RPS6KC1: variants seen among roughly 807,000 people sequenced by gnomAD.
RPS6KC1 encodes ribosomal protein S6 kinase C1.
Under a neutral mutation model 103.8 loss-of-function variants are expected in RPS6KC1, and 54 were observed. That is an observed-to-expected ratio of 0.52 (90% CI 0.42 to 0.65). RPS6KC1 has a LOEUF of 0.65. Ranked by LOEUF, RPS6KC1 falls within the 30% of genes least tolerant of loss-of-function variation. The pLI, the probability that RPS6KC1 is intolerant of heterozygous loss-of-function variation, is 0.00. For missense variants in RPS6KC1, 1,151 were observed against 1,253.8 expected, an observed-to-expected ratio of 0.92 and a Z score of 1.24; for synonymous variants, 439 against 438.7, an observed-to-expected ratio of 1.00 and a Z score of -0.01.
Position 213,129,659 on chromosome 1 carries a change from C to T in RPS6KC1, c.605C>T (p.Ser202Leu), listed in dbSNP as rs753903508. The T allele has an allele frequency of 1.9e-6, 3 of 1,614,074 alleles. No individual in the cohort carries two copies. Among genetic ancestry groups the T allele is most frequent in the Non-Finnish European group, 2.5e-6 (3 of 1,179,984 alleles). ...TFGLNLSSDSSALGAVASDSE... is the reference protein window; with the variant it reads ...TFGLNLSSDSLALGAVASDSE... ...GGTCTCAATCTTTCTTCGGATTCTTCAGCACTAGGGGCTGTTGCTTCTGAC... is the reference window on the plus strand; with the variant it reads ...GGTCTCAATCTTTCTTCGGATTCTTTAGCACTAGGGGCTGTTGCTTCTGAC... Residue 202 changes from serine (S) to leucine (L), a missense_variant, in exon 6 of 15, where the codon TCA (serine) becomes TTA (leucine). Coordinates refer to ENST00000366960, the MANE Select transcript of RPS6KC1 (RefSeq NM_012424.6).
At chr1:213,517,032 T>G in the RPS6KC1 span, among the ~76,000 whole-genome samples, 4 of 152,214 alleles carry the variant, frequency 2.6e-5, no homozygotes, top group African/African-American at 9.7e-5. Context: ...TTTATAGTAT[T>G]CTCTGATGGT....
At chr1:213,696,287 G>A in the RPS6KC1 span, among the ~76,000 whole-genome samples, 1 of 151,924 alleles carries the variant, frequency 6.6e-6, no homozygotes, top group Non-Finnish European at 1.5e-5. Context: ...ATCACCTGAG[G>A]TCAGGAGTTT....
chr1:213,437,176 T>TATCAAA, the RPS6KC1 span, among the ~76,000 whole-genome samples: 2 of 152,132 alleles, frequency 1.3e-5, no homozygotes, highest in African/African-American at 4.8e-5. Flanking sequence ...GGAAGTTCTT[T>TATCAAA]TTAAAATTTC....
chr1:213,178,134 C>T (rs990027419), intron 8 of RPS6KC1, among the ~76,000 whole-genome samples: 8 of 151,070 alleles, frequency 5.3e-5, no homozygotes, highest in African/African-American at 1.7e-4. Context: ...TGCCGTGAGC[C>T]GTGGTCATGC....
chr1:213,324,418 A>C, the RPS6KC1 span, among the ~76,000 whole-genome samples: 1 of 152,194 alleles, frequency 6.6e-6, no homozygotes, highest in African/African-American at 2.4e-5. Flanking sequence ...GATATAAAAA[A>C]GACATGATCT....
the RPS6KC1 span, among the ~76,000 whole-genome samples, chr1:213,738,801 C>A: frequency 6.6e-6 from 1 of 150,524 alleles, no homozygotes; most frequent in South Asian, 2.1e-4. Flanking sequence ...TTGAGACCAG[C>A]CTGGCCAACA....
At chr1:213,353,940 G>A in the RPS6KC1 span, among the ~76,000 whole-genome samples, 1 of 152,190 alleles carries the variant, frequency 6.6e-6, no homozygotes, top group African/African-American at 2.4e-5. Context: ...GGCACAGAGG[G>A]CCATCTCAGA....
At chr1:213,654,087 T>G in the RPS6KC1 span, among the ~76,000 whole-genome samples, 2 of 152,350 alleles carry the variant, frequency 1.3e-5, no homozygotes, top group East Asian at 3.9e-4. Context: ...GCAGATTACT[T>G]ATCTCTCAGC....
the RPS6KC1 span, among the ~76,000 whole-genome samples, chr1:213,395,321 G>A: frequency 1.6e-4 from 25 of 152,280 alleles, no homozygotes; most frequent in African/African-American, 4.6e-4. Flanking sequence ...TCTGGCGCAC[G>A]GTAGGATCTC....
chr1:213,550,459 C>A, the RPS6KC1 span, among the ~76,000 whole-genome samples: 1 of 152,070 alleles, frequency 6.6e-6, no homozygotes, highest in Non-Finnish European at 1.5e-5. Context: ...GTTAATACAT[C>A]GATTCGCTTC....
intron 3 of RPS6KC1, among the ~76,000 whole-genome samples, chr1:213,102,243 C>T (rs2082082180): frequency 6.6e-6 from 1 of 152,146 alleles, no homozygotes; most frequent in Admixed American, 6.5e-5. Context: ...AATCCAAGCT[C>T]CTGTCTTGTT....
At chr1:213,545,418 A>ATAT in the RPS6KC1 span, among the ~76,000 whole-genome samples, 1 of 78,360 alleles carries the variant, frequency 1.3e-5, no homozygotes, top group African/African-American at 3.4e-5. Context: ...AAATAAATAA[A>ATAT]ATAAAATAAA....
At chr1:213,376,972 G>A in the RPS6KC1 span, among the ~76,000 whole-genome samples, 1 of 152,324 alleles carries the variant, frequency 6.6e-6, no homozygotes, top group East Asian at 1.9e-4. Flanking sequence ...CTCAATCTGT[G>A]TAACATTCCT....
chr1:213,295,039 C>G, the RPS6KC1 span, among the ~76,000 whole-genome samples: 5 of 152,106 alleles, frequency 3.3e-5, no homozygotes, highest in Non-Finnish European at 7.4e-5. Context: ...TGAGCAAAAG[C>G]ACTCCATATC....
the RPS6KC1 span, among the ~76,000 whole-genome samples, chr1:213,541,383 A>G: frequency 2.6e-5 from 4 of 152,050 alleles, no homozygotes; most frequent in Non-Finnish European, 4.4e-5. Flanking sequence ...AATGAGACAC[A>G]GAGACACAAA....
the RPS6KC1 span, among the ~76,000 whole-genome samples, chr1:213,715,632 A>G: frequency 6.6e-6 from 1 of 152,242 alleles, no homozygotes; most frequent in Admixed American, 6.5e-5. Flanking sequence ...AAACAAAGAC[A>G]TCTTTCCTGA....
At chr1:213,463,719 G>A in the RPS6KC1 span, among the ~76,000 whole-genome samples, 17 of 152,114 alleles carry the variant, frequency 1.1e-4, no homozygotes, top group East Asian at 3.3e-3. Flanking sequence ...TGAGTTTTTG[G>A]GGCTCGTTTT....
At chr1:213,555,327 G>T in the RPS6KC1 span, among the ~76,000 whole-genome samples, 565 of 152,338 alleles carry the variant, frequency 3.7e-3, 2 homozygotes, top group Middle Eastern at 6.8e-3. Flanking sequence ...GTTAGCAAGG[G>T]AAGCACATGG....
At chr1:213,538,051 G>C in the RPS6KC1 span, among the ~76,000 whole-genome samples, 1 of 152,074 alleles carries the variant, frequency 6.6e-6, no homozygotes, top group East Asian at 1.9e-4. Flanking sequence ...CCATCAGGAG[G>C]GACTGGAACT....
Sources: gnomAD v4.1 joint callset for allele counts (sites outside exome capture counted in the v4.1 genomes callset) on GRCh38, gnomAD v4.1.1 for gene constraint, MANE v1.5 for transcripts, NCBI Gene and HGNC (gene_info 2026-07-23, HGNC 2026-07-21) for gene names.